The following DDR2 variants were observed in gnomAD, a reference collection of about 807,000 sequenced individuals.
DDR2 encodes the protein discoidin domain receptor tyrosine kinase 2.
Under a neutral mutation model 94.9 loss-of-function variants are expected in DDR2, and 27 were observed. That is an observed-to-expected ratio of 0.28 (90% CI 0.21 to 0.39). The LOEUF (loss-of-function observed/expected upper bound fraction) is 0.39, where lower values mean the gene tolerates loss of function less well. DDR2 is among the 10% of genes least tolerant of loss of function. The probability of loss-of-function intolerance (pLI) is 1.00; values close to 1 mark genes in which losing one functional copy is unlikely to be tolerated. For synonymous variants in DDR2, 382 were observed against 377.2 expected, an observed-to-expected ratio of 1.01 and a Z score of -0.15; for missense variants, 783 against 1,076.0, an observed-to-expected ratio of 0.73 and a Z score of 3.81.
In DDR2 at chr1:162,783,081, G is replaced by C. The variant is rs539627644; in HGVS notation, c.*2835G>C. 6.6e-6 allele frequency: 1 copy of C among 152,256 alleles called. No individual in the cohort carries two copies. The highest frequency in any genetic ancestry group is 2.4e-5 in the African/African-American group (1 of 41,548). The allele number at this position is 152,256 out of a possible 1,614,324, so 9.4% of individuals were successfully genotyped here. ...TGAAGCTAGGACTTATTTGGAAAAG[G>C]AGATAGAAAAAAAATGATCAGAAAC... is the stretch of plus-strand genomic sequence containing the variant. On this transcript the variant is annotated 3_prime_UTR_variant, in exon 18 of 18. Transcript: ENST00000367921.
intron 3 of DDR2, among the ~76,000 whole-genome samples, chr1:162,730,239 G>A (rs998176564): frequency 2.0e-5 from 3 of 151,998 alleles, no homozygotes; most frequent in Non-Finnish European, 2.9e-5. Flanking sequence ...CTACCAAAGT[G>A]CAGCACCAGG....
Position 162,754,872 on chromosome 1 carries a change from TCCAGATCCTGGATGTCC to T in DDR2, c.417+18_417+34del. On this transcript the variant is annotated intron_variant, in intron 5 of 17. Transcript: ENST00000367921. ...GGGAAACAGGTAGGAAGAAGAGACA[TCCAGATCCTGGATGTCC>T]AAGACCATATTTTGACTTAGGCTAG... 1 of 1,613,472 alleles carries T rather than the reference TCCAGATCCTGGATGTCC, an allele frequency of 6.2e-7. No homozygotes were observed. The highest frequency in any genetic ancestry group is 1.7e-5 in the Admixed American group (1 of 59,978).
chr1:162,687,793 T>C (rs1659759125), intron 2 of DDR2, among the ~76,000 whole-genome samples: 1 of 152,276 alleles, frequency 6.6e-6, no homozygotes, highest in East Asian at 1.9e-4. Flanking sequence ...CTGGCCCTAG[T>C]GCAGTTACAT....
chr1:162,780,007 CA>C (rs1647807100), intron 17 of DDR2, 104 bp from the exon 18 acceptor site: 1 of 1,535,782 alleles, frequency 6.5e-7, no homozygotes, highest in African/African-American at 1.4e-5. Context: ...AGAAAGTGGG[CA>C]GGGGGCAAAT....
At chr1:162,674,033 T>G (rs1292897332) in intron 2 of DDR2, among the ~76,000 whole-genome samples, 2 of 152,192 alleles carry the variant, frequency 1.3e-5, no homozygotes. Flanking sequence ...AGGCCTCATC[T>G]CTGAGCTCCA....
chr1:162,647,825 G>A (rs532224898), intron 1 of DDR2, among the ~76,000 whole-genome samples: 1 of 152,266 alleles, frequency 6.6e-6, no homozygotes, highest in South Asian at 2.1e-4. Flanking sequence ...GGTTTTGGTG[G>A]GATTTGGTAG....
At position 162,775,910 on chromosome 1, in the gene DDR2, G is replaced by A. The variant is rs2102197287; in HGVS notation, c.2048+67G>A. The A allele has an allele frequency of 1.9e-6, 3 of 1,591,128 alleles. No individual in the cohort carries two copies. The South Asian group carries it at 3.3e-5, about 18-fold the overall frequency. On this transcript the variant is annotated intron_variant, in intron 15 of 17. Coordinates refer to ENST00000367921, the MANE Select transcript of DDR2 (RefSeq NM_006182.4). Reference sequence around the variant, plus strand: ...GAGTAACCTGGGATCTGAAAATAGGGAGCAGTGAGCCTTAAAGTGTATCAA... The same window carrying A: ...GAGTAACCTGGGATCTGAAAATAGGAAGCAGTGAGCCTTAAAGTGTATCAA...
intron 2 of DDR2, among the ~76,000 whole-genome samples, chr1:162,669,486 T>C (rs564394384): frequency 6.6e-6 from 1 of 152,222 alleles, no homozygotes; most frequent in African/African-American, 2.4e-5. Flanking sequence ...AGTCCAAAAA[T>C]TTGAATGTTA....
chr1:162,774,060 T>TC (rs11411367), intron 14 of DDR2, among the ~76,000 whole-genome samples: 145,163 of 152,016 alleles, frequency 0.95, 69,674 homozygotes, highest in East Asian at 1. Context: ...TTTTCTTCTA[T>TC]TTGAGCAACC....
At chr1:162,706,320 C>T (rs185616364) in intron 2 of DDR2, among the ~76,000 whole-genome samples, 1 of 152,298 alleles carries the variant, frequency 6.6e-6, no homozygotes, top group East Asian at 1.9e-4. Context: ...TTTCCTCAAG[C>T]CTAGCCAGGG....
intron 3 of DDR2, among the ~76,000 whole-genome samples, chr1:162,726,506 T>C (rs531598152): frequency 6.6e-6 from 1 of 152,260 alleles, no homozygotes; most frequent in Non-Finnish European, 1.5e-5. Flanking sequence ...CCTAGATTCC[T>C]AGTTGTAAAA....
intron 2 of DDR2, among the ~76,000 whole-genome samples, chr1:162,686,709 T>A (rs562550000): frequency 1.3e-5 from 2 of 152,230 alleles, no homozygotes; most frequent in Non-Finnish European, 2.9e-5. Context: ...GTAGAATGAT[T>A]TATAATCCTT....
At chr1:162,766,614 A>G (rs1471956207) in intron 10 of DDR2, among the ~76,000 whole-genome samples, 1 of 152,162 alleles carries the variant, frequency 6.6e-6, no homozygotes, top group Non-Finnish European at 1.5e-5. Flanking sequence ...GGGACTACAG[A>G]CTCAGGCCAT....
At chr1:162,774,809 C>T (rs182025794) in intron 14 of DDR2, among the ~76,000 whole-genome samples, 7 of 152,134 alleles carry the variant, frequency 4.6e-5, no homozygotes, top group East Asian at 3.9e-4. Flanking sequence ...TGGTTTGAGA[C>T]GGAAGGGGGA....
rs1558028580 is a variant in DDR2, at chr1:162,689,841, T to TAAAAAA, written c.-27-29196_-27-29195insAAAAAA. Among the ~76,000 whole-genome samples the TAAAAAA allele has an allele frequency of 3.4e-4, 5 of 14,696 alleles. 1 individual carries two copies. The highest frequency in any genetic ancestry group is 7.7e-4 in the African/African-American group (5 of 6,474). 9.6% of individuals were successfully genotyped at this position (14,696 alleles called of 152,430 possible). A position where few individuals can be genotyped will look rare whatever the true frequency, so the allele number is the denominator to read the frequency against. On this transcript the variant is annotated intron_variant, in intron 2 of 17. Coordinates refer to ENST00000367921, the MANE Select transcript of DDR2 (RefSeq NM_006182.4). ...CAACATGGTGAAACCCCATCTCTACTTAAAAAAAAAAAAAAAAAAAAAAAA... is the reference window on the plus strand; with the variant it reads ...CAACATGGTGAAACCCCATCTCTACTAAAAAATAAAAAAAAAAAAAAAAAAAAAAAA...
intron 2 of DDR2, among the ~76,000 whole-genome samples, chr1:162,697,234 G>A (rs1008740685): frequency 6.9e-6 from 1 of 144,906 alleles, no homozygotes; most frequent in African/African-American, 2.8e-5. Context: ...GATGGAGTTA[G>A]AGACACTTAA....
intron 8 of DDR2, among the ~76,000 whole-genome samples, chr1:162,760,846 C>T (rs1236640321): frequency 6.6e-6 from 1 of 151,910 alleles, no homozygotes; most frequent in Non-Finnish European, 1.5e-5. Context: ...CTTGAACTCT[C>T]TCGAGTCTAT....
chr1:162,768,119 C>T (rs1418577612), intron 11 of DDR2, among the ~76,000 whole-genome samples: 3 of 152,204 alleles, frequency 2.0e-5, no homozygotes, highest in African/African-American at 7.2e-5. Flanking sequence ...GGTCATACAA[C>T]TGATGTCCAG....
chr1:162,720,206 T>C (rs1299603918), intron 3 of DDR2, among the ~76,000 whole-genome samples: 1 of 152,098 alleles, frequency 6.6e-6, no homozygotes, highest in African/African-American at 2.4e-5. Context: ...AGCTTAAATG[T>C]TCAATTTTAT....
Sources: gnomAD v4.1 joint callset for allele counts (sites outside exome capture counted in the v4.1 genomes callset) on GRCh38, gnomAD v4.1.1 for gene constraint, MANE v1.5 for transcripts, NCBI Gene and HGNC (gene_info 2026-07-23, HGNC 2026-07-21) for gene names.